The following ARSJ variants were observed in gnomAD, a reference collection of about 807,000 sequenced individuals.
ARSJ encodes the protein arylsulfatase J.
In ARSJ, 26 loss-of-function variants were observed where a neutral mutation model predicts 35.9. That is an observed-to-expected ratio of 0.72 (90% CI 0.53 to 1.00). The LOEUF (loss-of-function observed/expected upper bound fraction) is 1.00, where lower values mean the gene tolerates loss of function less well. Among genes scored for constraint, ARSJ ranks in the 50% least tolerant of loss-of-function variants. ARSJ has a pLI of 0.00. For missense variants in ARSJ, 667 were observed against 723.6 expected (o/e 0.92, Z 0.90); for synonymous variants, 294 against 267.6 (o/e 1.10, Z -0.96).
At chr4:113,945,538 G>A (rs1460878259) in intron 1 of ARSJ, among the ~76,000 whole-genome samples, 1 of 152,020 alleles carries the variant, frequency 6.6e-6, no homozygotes, top group East Asian at 1.9e-4. Context: ...GATTGGTAGA[G>A]TTATGGATAA....
intron 1 of ARSJ, among the ~76,000 whole-genome samples, chr4:113,942,241 C>T (rs2149270234): frequency 6.6e-6 from 1 of 151,730 alleles, no homozygotes; most frequent in Admixed American, 6.6e-5. Flanking sequence ...TTTATGTTTC[C>T]ACTCCTACTT....
intron 1 of ARSJ, among the ~76,000 whole-genome samples, chr4:113,930,617 A>G (rs1378292330): frequency 6.6e-6 from 1 of 152,096 alleles, no homozygotes; most frequent in Non-Finnish European, 1.5e-5. Flanking sequence ...TTTTTTTATA[A>G]CTTAATTCTA....
At chr4:113,952,110 G>A (rs545691850) in intron 1 of ARSJ, among the ~76,000 whole-genome samples, 5 of 152,090 alleles carry the variant, frequency 3.3e-5, no homozygotes, top group African/African-American at 9.6e-5. Flanking sequence ...CCAAGCTGGA[G>A]TGCAGTGACC....
chr4:113,958,617 A>C lies in ARSJ; in HGVS notation c.398+19820T>G, dbSNP rs181589565. Among the ~76,000 whole-genome samples the C allele has an allele frequency of 1.7e-4, 26 of 152,138 alleles. No homozygotes were observed. The East Asian group carries it at 4.1e-3, about 24-fold the overall frequency. On this transcript the variant is annotated intron_variant, in intron 1 of 1. Transcript: ENST00000315366. ...TATGGATATTAACCTGCATGTTTTG[A>C]CTTTAGCCGATACATATATACAAAT...
At chr4:113,958,706 T>C (rs931638936) in intron 1 of ARSJ, among the ~76,000 whole-genome samples, 1 of 152,034 alleles carries the variant, frequency 6.6e-6, no homozygotes, top group Non-Finnish European at 1.5e-5. Context: ...ATGTAGCTCT[T>C]TGAAGAGAAA....
chr4:113,944,530 A>G (rs1047555074), intron 1 of ARSJ, among the ~76,000 whole-genome samples: 3 of 152,100 alleles, frequency 2.0e-5, no homozygotes, highest in African/African-American at 7.2e-5. Flanking sequence ...TGCAGTGTCG[A>G]GAACATATTG....
chr4:113,965,677 C>A (rs1594508914), intron 1 of ARSJ, among the ~76,000 whole-genome samples: 1 of 151,880 alleles, frequency 6.6e-6, no homozygotes, highest in Non-Finnish European at 1.5e-5. Flanking sequence ...CACATACATG[C>A]CAAATAAATG....
At chr4:113,917,599 GAAT>G (rs1202917072) in intron 1 of ARSJ, among the ~76,000 whole-genome samples, 3 of 152,120 alleles carry the variant, frequency 2.0e-5, no homozygotes, top group South Asian at 4.1e-4. Context: ...AATATTAAGA[GAAT>G]AATAAGTGAT....
chr4:113,943,993 G>A (rs1257677027), intron 1 of ARSJ: 1 of 152,044 alleles, frequency 6.6e-6, no homozygotes. Context: ...GGGGAGAAAT[G>A]TGATCTAATT....
intron 1 of ARSJ, among the ~76,000 whole-genome samples, chr4:113,950,770 A>G (rs1435473751): frequency 6.6e-6 from 1 of 152,080 alleles, no homozygotes; most frequent in Non-Finnish European, 1.5e-5. Context: ...AGTCTTGCAC[A>G]TTAAGAGCGT....
In ARSJ at chr4:113,926,385, C is replaced by T. The variant is rs549474985; in HGVS notation, c.399-22710G>A. 2.0e-5 allele frequency among the ~76,000 whole-genome samples: 3 copies of T among 152,308 alleles called. No homozygotes were observed. In the South Asian group the frequency reaches 6.2e-4, roughly 32 times the overall value. On this transcript the variant is annotated intron_variant, in intron 1 of 1. Coordinates refer to ENST00000315366, the MANE Select transcript of ARSJ (RefSeq NM_024590.4). ...CTGCCCACTGGAAGATTTCCCTTCA[C>T]CTCTTTCCTTCGGGGATGTCCTAGA...
intron 1 of ARSJ, among the ~76,000 whole-genome samples, chr4:113,972,506 C>T (rs2110337334): frequency 1.3e-5 from 2 of 152,100 alleles, no homozygotes; most frequent in South Asian, 4.2e-4. Flanking sequence ...GCAAAATCCT[C>T]CTTAAAACTT....
chr4:113,909,143 A>G (rs994755531), intron 1 of ARSJ, among the ~76,000 whole-genome samples: 3 of 152,150 alleles, frequency 2.0e-5, no homozygotes, highest in Non-Finnish European at 2.9e-5. Context: ...AAGGAGTGGA[A>G]AAAAAAAGAA....
Position 113,979,013 on chromosome 4 carries a change from G to T in ARSJ, c.-179C>A, listed in dbSNP as rs1274395734. On this transcript the variant is annotated 5_prime_UTR_variant, in exon 1 of 2. Coordinates refer to ENST00000315366, the MANE Select transcript of ARSJ (RefSeq NM_024590.4). The stretch of plus-strand genomic sequence containing the variant: ...TCCAGAAGTGATGGCTTAATGGATG[G>T]GACTCCGGAAGAACAAGGAGGGCTC... 3 of 589,124 alleles carry T rather than the reference G, an allele frequency of 5.1e-6. No homozygotes were observed. Among genetic ancestry groups the T allele is most frequent in the Non-Finnish European group, 8.5e-6 (3 of 353,244 alleles). 36.5% of individuals were successfully genotyped at this position (589,124 alleles called of 1,614,324 possible).
At position 113,978,770 on chromosome 4, in the gene ARSJ, C is replaced by T; in HGVS notation, c.65G>A (p.Gly22Glu). ...CAGCGCCCCCATTGCTAGCATCTTT[C>T]CAGGACAGACACAGGCCTGTGGAGA... ...PPSPQACVCP[G>E]KMLAMGALAG... The change falls in exon 1 of 2, where the codon GGA becomes GAA. Residue 22 changes from glycine (G) to glutamate (E), a missense_variant. Gly to Glu is a moderately conservative substitution (Grantham distance 98). Transcript: ENST00000315366. 6.2e-7 allele frequency: 1 copy of T among 1,614,198 alleles called. No homozygotes were observed. The highest frequency in any genetic ancestry group is 8.5e-7 in the Non-Finnish European group (1 of 1,180,004).
chr4:113,917,829 T>C (rs777629983), intron 1 of ARSJ, among the ~76,000 whole-genome samples: 1 of 152,152 alleles, frequency 6.6e-6, no homozygotes, highest in Non-Finnish European at 1.5e-5. Context: ...AAATGGCAAA[T>C]CCATTTCAAA....
At chr4:113,962,712 CA>C (rs1562373156) in intron 1 of ARSJ, among the ~76,000 whole-genome samples, 1 of 152,028 alleles carries the variant, frequency 6.6e-6, no homozygotes, top group Admixed American at 6.6e-5. Flanking sequence ...ATCCGACCTG[CA>C]TGATCTATCC....
chr4:113,969,363 AC>A, intron 1 of ARSJ, among the ~76,000 whole-genome samples: 1 of 133,936 alleles, frequency 7.5e-6, no homozygotes, highest in East Asian at 2.2e-4. Context: ...TTTAATTTTA[AC>A]CCTTTTTTTA....
chr4:113,934,167 A>C (rs935611977), intron 1 of ARSJ, among the ~76,000 whole-genome samples: 1 of 151,878 alleles, frequency 6.6e-6, no homozygotes, highest in Non-Finnish European at 1.5e-5. Flanking sequence ...AATATAAATT[A>C]GTATAGCCAC....
Sources: gnomAD v4.1 joint callset for allele counts (sites outside exome capture counted in the v4.1 genomes callset) on GRCh38, gnomAD v4.1.1 for gene constraint, MANE v1.5 for transcripts, NCBI Gene and HGNC (gene_info 2026-07-23, HGNC 2026-07-21) for gene names.